The following CEP85L variants were observed in gnomAD, a reference collection of about 807,000 sequenced individuals.
The protein encoded by CEP85L is centrosomal protein of 85 kDa-like.
In CEP85L, 60 loss-of-function variants were observed where a neutral mutation model predicts 100.3. That is an observed-to-expected ratio of 0.60 (90% CI 0.49 to 0.74). The LOEUF (loss-of-function observed/expected upper bound fraction) is 0.74, where lower values mean the gene tolerates loss of function less well. Ranked by LOEUF, CEP85L falls within the 30% of genes least tolerant of loss-of-function variation. The probability of loss-of-function intolerance (pLI) is 0.00; values close to 1 mark genes in which losing one functional copy is unlikely to be tolerated. For synonymous variants in CEP85L, 319 were observed against 322.7 expected (o/e 0.99, Z 0.12); for missense variants, 973 against 936.2 (o/e 1.04, Z -0.51).
Position 118,511,426 on chromosome 6 carries a change from T to A in CEP85L, c.1140-11A>T. On this transcript the variant is annotated splice_polypyrimidine_tract_variant and intron_variant, in intron 4 of 12. Coordinates refer to ENST00000368491, the MANE Select transcript of CEP85L (RefSeq NM_001042475.3). ...ATTTGTTGCTTCTGCCTGCAAAACA[T>A]AAATTAAGGTCACATTATGAGTTAT... 1 of 1,519,040 alleles carries A rather than the reference T, an allele frequency of 6.6e-7. No individual in the cohort carries two copies. The highest frequency in any genetic ancestry group is 9.1e-7 in the Non-Finnish European group (1 of 1,094,394). The allele number at this position is 1,519,040 out of a possible 1,614,324, so 94.1% of individuals were successfully genotyped here.
At chr6:118,647,849 C>G (rs776192085) in intron 1 of CEP85L, among the ~76,000 whole-genome samples, 2 of 152,156 alleles carry the variant, frequency 1.3e-5, no homozygotes, top group Non-Finnish European at 2.9e-5. Context: ...ATGCAATCAA[C>G]CAAATGCATA....
At chr6:118,548,284 G>C (rs1778330427) in intron 3 of CEP85L, 2 of 151,942 alleles carry the variant, frequency 1.3e-5, no homozygotes, top group African/African-American at 4.8e-5. Flanking sequence ...TCCACCTACT[G>C]CAACTGTTCC....
chr6:118,612,370 G>A (rs1772684338), intron 2 of CEP85L, among the ~76,000 whole-genome samples: 1 of 151,890 alleles, frequency 6.6e-6, no homozygotes, highest in South Asian at 2.1e-4. Context: ...TTTAAAAGTG[G>A]CAAACGGCCA....
rs1337107595 is a variant in CEP85L at position 118,461,542 on chromosome 6, GTACAGCTGCAATAGTGTTA to G, written c.*3844_*3862del. 5 of 151,998 alleles carry G rather than the reference GTACAGCTGCAATAGTGTTA, an allele frequency of 3.3e-5. No homozygotes were observed. Among genetic ancestry groups the G allele is most frequent in the Non-Finnish European group, 7.4e-5 (5 of 67,938 alleles). 9.4% of individuals were successfully genotyped at this position (151,998 alleles called of 1,614,324 possible). A position where few individuals can be genotyped will look rare whatever the true frequency, so the allele number is the denominator to read the frequency against. On this transcript the variant is annotated 3_prime_UTR_variant, in exon 13 of 13. Coordinates refer to ENST00000368491, the MANE Select transcript of CEP85L (RefSeq NM_001042475.3). Reference sequence around the variant, plus strand: ...AAAAGGCACAAAAGGTTCTCTCTGTGTACAGCTGCAATAGTGTTATTAGACTTGCTGATTTAAAACTATA... The same window carrying G: ...AAAAGGCACAAAAGGTTCTCTCTGTGTTAGACTTGCTGATTTAAAACTATA...
chr6:118,686,532 T>C (rs983047871), intron 1 of CEP85L, among the ~76,000 whole-genome samples: 3 of 152,238 alleles, frequency 2.0e-5, no homozygotes, highest in Admixed American at 1.3e-4. Context: ...ATCCATGTTG[T>C]AGCATGTGTC....
chr6:118,672,693 G>A (rs1776346300), intron 1 of CEP85L, among the ~76,000 whole-genome samples: 1 of 152,184 alleles, frequency 6.6e-6, no homozygotes, highest in African/African-American at 2.4e-5. Context: ...TTGAGCCTGG[G>A]AAGCAGAGGT....
At chr6:118,651,607 G>C (rs543145579), upstream of CEP85L, 1 of 1,039,552 alleles carries the variant, frequency 9.6e-7, no homozygotes, top group African/African-American at 1.7e-5. Flanking sequence ...CCCTCCGCCG[G>C]CAGAGCCAGA....
At chr6:118,509,354 A>C (rs560299732) in intron 5 of CEP85L, among the ~76,000 whole-genome samples, 1 of 152,222 alleles carries the variant, frequency 6.6e-6, no homozygotes, top group South Asian at 2.1e-4. Context: ...GCTGTTACCA[A>C]AGCAAGATAC....
At position 118,523,784 on chromosome 6, in the gene CEP85L, A is replaced by G. The variant is rs1355593308; in HGVS notation, c.1139+18T>C. 2.5e-6 allele frequency: 3 copies of G among 1,188,780 alleles called. No homozygotes were observed. In the South Asian group the frequency reaches 4.0e-5, roughly 16 times the overall value. The allele number at this position is 1,188,780 out of a possible 1,614,324, so 73.6% of individuals were successfully genotyped here. A position where few individuals can be genotyped will look rare whatever the true frequency, so the allele number is the denominator to read the frequency against. On this transcript the variant is annotated intron_variant, in intron 4 of 12. Coordinates refer to ENST00000368491, the MANE Select transcript of CEP85L (RefSeq NM_001042475.3). ...TTTCTGTAGGCCTGAAATATTTAATAATTTAAAATAGACTCACCGATCGAT... is the reference window on the plus strand; with the variant it reads ...TTTCTGTAGGCCTGAAATATTTAATGATTTAAAATAGACTCACCGATCGAT...
At chr6:118,703,862 C>CATT in intron 1 of CEP85L, among the ~76,000 whole-genome samples, 1 of 152,250 alleles carries the variant, frequency 6.6e-6, no homozygotes, top group East Asian at 1.9e-4. Flanking sequence ...ATCTGTATCT[C>CATT]ATTATTAATA....
chr6:118,477,769 G>A (rs576116045), intron 10 of CEP85L, among the ~76,000 whole-genome samples: 10 of 152,198 alleles, frequency 6.6e-5, no homozygotes, highest in African/African-American at 2.4e-4. Flanking sequence ...AAGCACTGTG[G>A]AGGAAGAAAG....
At chr6:118,565,260 T>G (rs1475866581) in intron 3 of CEP85L, 3 of 439,598 alleles carry the variant, frequency 6.8e-6, no homozygotes, top group Non-Finnish European at 1.2e-5. Flanking sequence ...AGATTGAGTA[T>G]GTTTTGCTTT....
chr6:118,529,897 T>C (rs1029995622), intron 3 of CEP85L, among the ~76,000 whole-genome samples: 1 of 152,148 alleles, frequency 6.6e-6, no homozygotes, highest in Non-Finnish European at 1.5e-5. Context: ...AATGTTAATG[T>C]TTTCTTTTGT....
At chr6:118,652,682 G>T, upstream of CEP85L, 4 of 1,527,846 alleles carry the variant, frequency 2.6e-6, no homozygotes, top group Non-Finnish European at 3.5e-6. Context: ...AGATTTAGGT[G>T]TGTGTTCTAT....
chr6:118,596,786 T>C (rs1357693473), intron 2 of CEP85L, among the ~76,000 whole-genome samples: 3 of 152,226 alleles, frequency 2.0e-5, no homozygotes, highest in Admixed American at 2.0e-4. Context: ...CGATTTCCTG[T>C]TATTTATTGT....
chr6:118,644,859 C>T (rs937459655), intron 1 of CEP85L, among the ~76,000 whole-genome samples: 1 of 152,174 alleles, frequency 6.6e-6, no homozygotes, highest in African/African-American at 2.4e-5. Context: ...GTTCTTGCCC[C>T]ACTCCTCTAC....
chr6:118,554,205 T>C (rs1422459232), intron 3 of CEP85L, among the ~76,000 whole-genome samples: 1 of 152,096 alleles, frequency 6.6e-6, no homozygotes, highest in Non-Finnish European at 1.5e-5. Context: ...GGGAGATCGC[T>C]AGAGCCTGGG....
Position 118,505,602 on chromosome 6 carries a change from A to G in CEP85L, c.1257+5696T>C, listed in dbSNP as rs1274918513. Among the ~76,000 whole-genome samples, 3 of 152,178 alleles carry G rather than the reference A, an allele frequency of 2.0e-5. No homozygotes were observed. In the East Asian group the frequency reaches 5.8e-4, roughly 29 times the overall value. On this transcript the variant is annotated intron_variant, in intron 5 of 12. Transcript: ENST00000368491. Reference sequence around the variant, plus strand: ...AAAGATATAGAGGAAACTTAAATGCATACTACTAAGTGAAAGAAGCCAGTT... The same window carrying G: ...AAAGATATAGAGGAAACTTAAATGCGTACTACTAAGTGAAAGAAGCCAGTT...
At chr6:118,585,874 T>A (rs1291638196) in intron 2 of CEP85L, among the ~76,000 whole-genome samples, 5 of 152,172 alleles carry the variant, frequency 3.3e-5, no homozygotes, top group African/African-American at 4.8e-5. Flanking sequence ...TTCACCCACA[T>A]GCCAAAGACA....
Sources: allele counts gnomAD v4.1 joint callset (sites outside exome capture counted in the v4.1 genomes callset), GRCh38; gene constraint gnomAD v4.1.1; transcripts MANE v1.5; gene names NCBI Gene and HGNC (gene_info 2026-07-23, HGNC 2026-07-21).